JAG1: variants seen among roughly 807,000 people sequenced by gnomAD.
The protein encoded by JAG1 is jagged canonical Notch ligand 1, also known as protein jagged-1.
JAG1 carries 23 observed loss-of-function variants against 148.7 expected under a neutral mutation model. That is an observed-to-expected ratio of 0.15 (90% CI 0.11 to 0.22). The LOEUF (loss-of-function observed/expected upper bound fraction) is 0.22. Among genes scored for constraint, JAG1 ranks in the 10% least tolerant of loss-of-function variants. The probability of loss-of-function intolerance (pLI) is 1.00; values close to 1 mark genes in which losing one functional copy is unlikely to be tolerated. For synonymous variants in JAG1, 572 were observed against 598.3 expected (o/e 0.96, Z 0.64); for missense variants, 1,054 against 1,611.2 (o/e 0.65, Z 5.92).
Position 10,649,091 on chromosome 20 carries a change from A to C in JAG1, c.1365T>G (p.Leu455=), listed in dbSNP as rs376346902. The C allele has an allele frequency of 3.1e-6, 5 of 1,609,062 alleles. No homozygotes were observed. The African/African-American group carries it at 6.7e-5, about 21-fold the overall frequency. The change falls in exon 11 of 26, where the codon CTT becomes CTG. Residue 455 remains leucine, a synonymous_variant. Transcript: ENST00000254958. ...AGGAGGCGTCATTCTGACACTGGCC[A>C]AGGCAGTCATTAATATCTAAAAAAT... is the stretch of plus-strand genomic sequence containing the variant. ...QNCDININDC[L]GQCQNDASCR... is the part of the protein sequence containing the mutation.
At chr20:10,640,068 G>T in intron 25 of JAG1, 113 bp from the exon 26 acceptor site, 1 of 826,544 alleles carries the variant, frequency 1.2e-6, no homozygotes, top group Non-Finnish European at 2.0e-6. Context: ...CCTAAGAGGG[G>T]GGCCACAGGG....
intron 5 of JAG1, among the ~76,000 whole-genome samples, chr20:10,654,962 C>T (rs2067369166): frequency 6.6e-6 from 1 of 152,222 alleles, no homozygotes; most frequent in Non-Finnish European, 1.5e-5. Flanking sequence ...TTGGGACTTT[C>T]TCCAGAACAC....
chr20:10,657,350 T>TAAA (rs34844219), intron 4 of JAG1, among the ~76,000 whole-genome samples: 43,565 of 140,726 alleles, frequency 0.31, 6,713 homozygotes, highest in East Asian at 0.43. Flanking sequence ...CACCTTATCT[T>TAAA]AAAAAAAAAA....
chr20:10,671,385 A>G (rs1471337635), intron 2 of JAG1, among the ~76,000 whole-genome samples: 2 of 152,188 alleles, frequency 1.3e-5, no homozygotes, highest in African/African-American at 4.8e-5. Flanking sequence ...ACCCCTTTTC[A>G]TGGCAGTTTT....
At chr20:10,656,271 T>C (rs2067378345) in intron 5 of JAG1, 127 bp downstream of exon 5, 2 of 755,780 alleles carry the variant, frequency 2.6e-6, no homozygotes, top group African/African-American at 1.7e-5. Flanking sequence ...TGTGTCTATC[T>C]GAATTTTTTT....
At chr20:10,640,615 T>G (rs996452119) in intron 25 of JAG1, among the ~76,000 whole-genome samples, 168 bp downstream of exon 25, 5 of 152,248 alleles carry the variant, frequency 3.3e-5, no homozygotes, top group Non-Finnish European at 1.5e-5. Context: ...TCTGTTCCCA[T>G]GGGCCATGTG....
intron 14 of JAG1, 62 bp from the exon 15 acceptor site, chr20:10,646,146 G>A (rs2067307102): frequency 2.4e-6 from 3 of 1,235,772 alleles, no homozygotes; most frequent in South Asian, 2.4e-5. Flanking sequence ...GACAAGCACT[G>A]TTCAGCAGTT....
chr20:10,651,234 T>G (rs775620469), intron 8 of JAG1: 1 of 262,634 alleles, frequency 3.8e-6, no homozygotes, highest in East Asian at 8.3e-5. Context: ...TATGACAGAA[T>G]CCAGTAGTAA....
chr20:10,667,231 C>T (rs980895650), intron 2 of JAG1, among the ~76,000 whole-genome samples: 5 of 152,220 alleles, frequency 3.3e-5, no homozygotes, highest in Admixed American at 3.3e-4. Flanking sequence ...CAGGCAGGCC[C>T]GCCGGCGGCA....
At position 10,641,467 on chromosome 20, in the gene JAG1, A is replaced by G; in HGVS notation, c.2909T>C (p.Met970Thr). ...ACAAAGGTTGTTACATACTGGTGAC[A>G]TCATCTCCTTGTTAAAGGTAAATGT... ...NITFTFNKEM[M>T]SPGLTTEHIC... The change falls in exon 23 of 26, where the codon ATG (methionine) becomes ACG (threonine). Residue 970 changes from methionine to threonine, a missense_variant. Physicochemically the swap from Met to Thr is moderately conservative, Grantham distance 81. Around this residue, in one of 6 missense-constraint regions of JAG1, gnomAD observed 342 missense variants for 514.6 expected, o/e 0.66. Coordinates refer to ENST00000254958, the MANE Select transcript of JAG1 (RefSeq NM_000214.3). 6.2e-7 allele frequency: 1 copy of G among 1,613,534 alleles called. No homozygotes were observed. The highest frequency in any genetic ancestry group is 8.5e-7 in the Non-Finnish European group (1 of 1,179,538).
At chr20:10,643,082 G>C (rs1239436113) in intron 20 of JAG1, among the ~76,000 whole-genome samples, 1 of 152,252 alleles carries the variant, frequency 6.6e-6, no homozygotes, top group Non-Finnish European at 1.5e-5. Flanking sequence ...GCCACAGTTT[G>C]CCAACTGTTT....
intron 9 of JAG1, 94 bp downstream of exon 9, chr20:10,650,153 C>T: frequency 1.3e-6 from 1 of 774,776 alleles, no homozygotes; most frequent in Non-Finnish European, 2.3e-6. Flanking sequence ...GGAGTGTGAA[C>T]TCACACTGCC....
At chr20:10,668,850 TCCC>T (rs2067475073) in intron 2 of JAG1, among the ~76,000 whole-genome samples, 1 of 151,928 alleles carries the variant, frequency 6.6e-6, no homozygotes, top group African/African-American at 2.4e-5. Context: ...CCCACTGAAC[TCCC>T]CCAAGAGCCT....
chr20:10,641,410 AAGCAAGC>A, intron 23 of JAG1, 43 bp downstream of exon 23: 1 of 1,552,592 alleles, frequency 6.4e-7, no homozygotes, highest in South Asian at 1.1e-5. Flanking sequence ...CCTTTAAAGC[AAGCAAGC>A]AGACATCCAC....
Position 10,644,230 on chromosome 20 carries a change from C to T in JAG1, c.2372+127G>A, listed in dbSNP as rs868496891. On this transcript the variant is annotated intron_variant, in intron 19 of 25. Transcript: ENST00000254958. ...AGCAGTCTGAGGCCCCACCCCAGAC[C>T]TCCTGACTCAGAACTTGCATTTTAA... 6.8e-5 allele frequency: 59 copies of T among 869,236 alleles called. 1 individual carries two copies. In the Middle Eastern group the frequency reaches 2.2e-3, roughly 33 times the overall value. The allele number at this position is 869,236 out of a possible 1,614,324, so 53.8% of individuals were successfully genotyped here.
intron 2 of JAG1, among the ~76,000 whole-genome samples, chr20:10,670,175 G>T (rs548314143): frequency 1.3e-5 from 2 of 152,168 alleles, no homozygotes; most frequent in East Asian, 3.9e-4. Flanking sequence ...TTTCCTCCTC[G>T]TCCTCTCTAG....
At chr20:10,644,501 A>G in intron 18 of JAG1, 117 bp from the exon 19 acceptor site, 2 of 811,726 alleles carry the variant, frequency 2.5e-6, no homozygotes, top group East Asian at 5.2e-5. Context: ...AGTTAACACC[A>G]GCAAAATACC....
chr20:10,648,813 G>A (rs562121103), intron 11 of JAG1, 91 bp from the exon 12 acceptor site: 46 of 1,272,048 alleles, frequency 3.6e-5, no homozygotes, highest in South Asian at 2.4e-4. Flanking sequence ...TGACTGTTGC[G>A]GTTTAGCTGG....
In JAG1 at chr20:10,645,525, A is replaced by G. The variant is rs1196966834; in HGVS notation, c.2000-56T>C. On this transcript the variant is annotated intron_variant, in intron 15 of 25. Coordinates refer to ENST00000254958, the MANE Select transcript of JAG1 (RefSeq NM_000214.3). This position sits in a 1 kb window ranked among gnomAD's most constrained non-coding sequence, Gnocchi z 6.1. ...GACGAGATCCAGGACCATTCACGAC[A>G]GGCGAGAGCCAAGCCTTTCCTACTG... 1.4e-6 allele frequency: 2 copies of G among 1,398,442 alleles called. No individual in the cohort carries two copies. The highest frequency in any genetic ancestry group is 1.7e-5 in the Admixed American group (1 of 59,618). 86.6% of individuals were successfully genotyped at this position (1,398,442 alleles called of 1,614,324 possible).
Sources: allele counts gnomAD v4.1 joint callset (sites outside exome capture counted in the v4.1 genomes callset), GRCh38; gene constraint gnomAD v4.1.1; regional missense constraint gnomAD v4.1.1; non-coding constraint Gnocchi (gnomAD v3.1); transcripts MANE v1.5; gene names NCBI Gene and HGNC (gene_info 2026-07-23, HGNC 2026-07-21).